The following MYH7 variants were observed in gnomAD, a reference collection of about 807,000 sequenced individuals.
The protein encoded by MYH7 is myosin-7.
A neutral mutation model predicts 225.4 loss-of-function variants in MYH7; 129 were observed. The ratio of observed to expected loss-of-function variants is 0.57; its 90% CI spans 0.50 to 0.66. The LOEUF (loss-of-function observed/expected upper bound fraction) is 0.66, where lower values mean the gene tolerates loss of function less well. Ranked by LOEUF, MYH7 falls within the 30% of genes least tolerant of loss-of-function variation. MYH7 has a pLI of 0.00. For missense variants in MYH7, 1,649 were observed against 2,517.0 expected (o/e 0.66, Z 7.38); for synonymous variants, 971 against 1,007.6 (o/e 0.96, Z 0.69).
rs536233751 is a variant in MYH7, at chr14:23,420,844, A to G, written c.3336+114T>C. 7.1e-5 allele frequency: 58 copies of G among 814,496 alleles called. No individual in the cohort carries two copies. The South Asian group carries it at 7.6e-4, about 11-fold the overall frequency. 50.5% of individuals were successfully genotyped at this position (814,496 alleles called of 1,614,324 possible). On this transcript the variant is annotated intron_variant, in intron 26 of 39. Coordinates refer to ENST00000355349, the MANE Select transcript of MYH7 (RefSeq NM_000257.4). ...CTGTGATAGCTGCGTGCCTGCCTCC[A>G]TGGACACATAATCAGTTCCTGTAAT...
intron 37 of MYH7, among the ~76,000 whole-genome samples, chr14:23,414,728 G>T (rs936218885): frequency 1.3e-5 from 2 of 152,120 alleles, no homozygotes; most frequent in African/African-American, 4.8e-5. Context: ...AGCTGTACTG[G>T]GTGAGCTTTG....
In MYH7 at chr14:23,422,315, G is replaced by T. The variant is rs1159928168; in HGVS notation, c.3110C>A (p.Ser1037Tyr). Residue 1037 changes from serine to tyrosine, a missense_variant, in exon 25 of 40, where the codon TCC (serine) becomes TAC (tyrosine). Coordinates refer to ENST00000355349, the MANE Select transcript of MYH7 (RefSeq NM_000257.4). ...LEQQVDDLEGSLEQEKKVRMD... is the reference protein window; with the variant it reads ...LEQQVDDLEGYLEQEKKVRMD... Reference sequence around the variant, plus strand: ...GCGCACCTTCTTCTCTTGCTCCAGGGATCCTTCCAGCTGGTAGAGAGAAGG... The same window carrying T: ...GCGCACCTTCTTCTCTTGCTCCAGGTATCCTTCCAGCTGGTAGAGAGAAGG... The T allele has an allele frequency of 5.0e-6, 8 of 1,614,052 alleles. No individual in the cohort carries two copies. Among genetic ancestry groups the T allele is most frequent in the Non-Finnish European group, 6.8e-6 (8 of 1,180,052 alleles).
rs397516112 is a variant in MYH7, at chr14:23,433,577, C to T, written c.156G>A (p.Val52=). The part of the protein sequence containing the change: ...DKQEFVKAKI[V]SREGGKVTAE... ...CAGTGACTTTGCCACCCTCTCGAGA[C>T]ACGATCTTGGCCTTGACAAACTCCT... Residue 52 remains valine, a synonymous_variant, in exon 3 of 40, where the codon GTG becomes GTA. Transcript: ENST00000355349. The surrounding 1 kb of genome is among the most constrained non-coding windows in gnomAD (Gnocchi z 4.1). 1 of 1,614,254 alleles carries T rather than the reference C, an allele frequency of 6.2e-7. No individual in the cohort carries two copies. The highest frequency in any genetic ancestry group is 2.2e-5 in the East Asian group (1 of 44,884).
rs866301351 is a variant in MYH7, at chr14:23,423,436, A to C, written c.3099+111T>G. On this transcript the variant is annotated intron_variant, in intron 24 of 39. Coordinates refer to ENST00000355349, the MANE Select transcript of MYH7 (RefSeq NM_000257.4). ...CTACCCCCCTCTAAACATAAACACAAACACACACACACACACACACACACA... is the reference window on the plus strand; with the variant it reads ...CTACCCCCCTCTAAACATAAACACACACACACACACACACACACACACACA... 2.6e-4 allele frequency: 211 copies of C among 824,678 alleles called. 1 individual carries two copies. The highest frequency in any genetic ancestry group is 3.4e-4 in the East Asian group (13 of 37,780). 51.1% of individuals were successfully genotyped at this position (824,678 alleles called of 1,614,324 possible).
rs772562745 is a variant in MYH7, at chr14:23,417,299, T to C, written c.4373A>G (p.Gln1458Arg). Residue 1458 changes from glutamine to arginine, a missense_variant, in exon 32 of 40, where the codon CAG becomes CGG. Gln to Arg is a conservative substitution (Grantham distance 43). Around this residue, in one of 12 missense-constraint regions of MYH7, gnomAD observed 687 missense variants for 913.8 expected, o/e 0.75. Coordinates refer to ENST00000355349, the MANE Select transcript of MYH7 (RefSeq NM_000257.4). The part of the protein sequence containing the change: ...NFDKILAEWK[Q>R]KYEESQSELE... ...CTCCGACTGCGACTCCTCATACTTC[T>C]GCTTCCACTCGGCCAGGATCTGCCC... The C allele has an allele frequency of 4.3e-6, 7 of 1,614,128 alleles. No individual in the cohort carries two copies. In the South Asian group the frequency reaches 7.7e-5, roughly 18 times the overall value.
rs1025023496 is a variant in MYH7, at chr14:23,416,870, C to T, written c.4642G>A (p.Glu1548Lys). 4 of 1,614,076 alleles carry T rather than the reference C, an allele frequency of 2.5e-6. No homozygotes were observed. The highest frequency in any genetic ancestry group is 1.3e-5 in the African/African-American group (1 of 74,944). ...CCGTGCCCTGCACACACACACACCT[C>T]GGCCTCCTCCAGGGCTGACTGCAGC... ...MELQSALEEA[E>K]ASLEHEEGKI... The change falls in exon 33 of 40, where the codon GAG becomes AAG. Residue 1548 changes from glutamate (E) to lysine (K), a missense_variant and splice_region_variant. This residue lies in a region of MYH7 where 687 missense variants were observed against 913.8 expected (regional missense o/e 0.75). Coordinates refer to ENST00000355349, the MANE Select transcript of MYH7 (RefSeq NM_000257.4).
In MYH7 at chr14:23,425,941, C is replaced by G; in HGVS notation, c.2162+23G>C. ...AGCCTGGCTCCCCCTGTTCTATGAG[C>G]TCTGGTGCACCCTCATACCCACCTC... On this transcript the variant is annotated intron_variant, in intron 19 of 39. Transcript: ENST00000355349. The surrounding 1 kb of genome is among the most constrained non-coding windows in gnomAD (Gnocchi z 4.6). 6.2e-7 allele frequency: 1 copy of G among 1,613,086 alleles called. No individual in the cohort carries two copies. Among genetic ancestry groups the G allele is most frequent in the African/African-American group, 1.3e-5 (1 of 75,020 alleles).
chr14:23,419,517 G>T lies in MYH7; in HGVS notation c.3819C>A (p.Leu1273=). The change falls in exon 28 of 40, where the codon CTC becomes CTA. Residue 1273 remains leucine (L), a synonymous_variant. Transcript: ENST00000355349. Reference sequence around the variant, plus strand: ...TTTGCAACTTGGCCCGCTGGCTGGTGAGGTCGTTGACAGAACGCTGGGTCT... The same window carrying T: ...TTTGCAACTTGGCCCGCTGGCTGGTTAGGTCGTTGACAGAACGCTGGGTCT... ...AEETQRSVND[L]TSQRAKLQTE... 6.2e-7 allele frequency: 1 copy of T among 1,614,140 alleles called. No homozygotes were observed. The highest frequency in any genetic ancestry group is 8.5e-7 in the Non-Finnish European group (1 of 1,180,036).
intron 30 of MYH7, 156 bp from the exon 31 acceptor site, chr14:23,417,842 A>T: frequency 1.8e-6 from 2 of 1,101,606 alleles, no homozygotes; most frequent in South Asian, 2.7e-5. Context: ...AACATCAGGC[A>T]GAGGATCCCA....
intron 1 of MYH7, among the ~76,000 whole-genome samples, chr14:23,434,734 C>G (rs1205133928): frequency 6.6e-6 from 1 of 152,200 alleles, no homozygotes; most frequent in African/African-American, 2.4e-5. Context: ...TCTGATGACT[C>G]TAAAGAGACT....
chr14:23,429,937 G>A (rs1489291348), intron 11 of MYH7, 24 bp from the exon 12 acceptor site: 18 of 1,613,470 alleles, frequency 1.1e-5, no homozygotes, highest in East Asian at 4.5e-5. Context: ...CCATATTGGC[G>A]GACCCCAGAA....
Position 23,435,291 on chromosome 14 carries a change from T to A in MYH7, c.-65+329A>T, listed in dbSNP as rs1893097712. Among the ~76,000 whole-genome samples, 4 of 151,784 alleles carry A rather than the reference T, an allele frequency of 2.6e-5. No homozygotes were observed. The South Asian group carries it at 8.3e-4, about 32-fold the overall frequency. ...TCACAGACGTGATCATACACCCACA[T>A]CTCCCACTTGATATTTCTGTATCAG... On this transcript the variant is annotated intron_variant, in intron 1 of 39. Transcript: ENST00000355349.
rs768393069 is a variant in MYH7 at position 23,418,405 on chromosome 14, G to C, written c.3974C>G (p.Ala1325Gly). Reference protein sequence around the residue: ...LKRQLEEEVKAKNALAHALQS... With the variant: ...LKRQLEEEVKGKNALAHALQS... Reference sequence around the variant, plus strand: ...CAGTGCGTGGGCCAGGGCGTTCTTCGCCTGGGGAGGGGTGGGCACCAGGAG... The same window carrying C: ...CAGTGCGTGGGCCAGGGCGTTCTTCCCCTGGGGAGGGGTGGGCACCAGGAG... The change falls in exon 30 of 40, where the codon GCG (alanine) becomes GGG (glycine). Residue 1325 changes from alanine to glycine, a missense_variant and splice_region_variant. Physicochemically the swap from Ala to Gly is moderately conservative, Grantham distance 60 (BLOSUM62 0). This residue lies in a region of MYH7 where 687 missense variants were observed against 913.8 expected (regional missense o/e 0.75). Transcript: ENST00000355349. 1 of 1,603,862 alleles carries C rather than the reference G, an allele frequency of 6.2e-7. No homozygotes were observed. The highest frequency in any genetic ancestry group is 8.5e-7 in the Non-Finnish European group (1 of 1,173,464).
chr14:23,419,591 A>G lies in MYH7; in HGVS notation c.3745T>C (p.Cys1249Arg). The G allele has an allele frequency of 6.2e-7, 1 of 1,613,786 alleles. No homozygotes were observed. ...TTCATCTGGTCTTCCAAGGTCCGGCACATCTTCTCCAGGTTAGCCTGAGAA... is the reference window on the plus strand; with the variant it reads ...TTCATCTGGTCTTCCAAGGTCCGGCGCATCTTCTCCAGGTTAGCCTGAGAA... ...IKAKANLEKM[C>R]RTLEDQMNEH... The change falls in exon 28 of 40, where the codon TGC becomes CGC. Residue 1249 changes from cysteine to arginine, a missense_variant. Cys to Arg is a radical substitution (Grantham distance 180). Transcript: ENST00000355349.
chr14:23,431,104 G>T, intron 9 of MYH7, 105 bp from the exon 10 acceptor site: 1 of 830,772 alleles, frequency 1.2e-6, no homozygotes, highest in Non-Finnish European at 2.0e-6. Context: ...GAAGGGAAGA[G>T]CCAGAGAGAC....
rs764806428 is a variant in MYH7, at chr14:23,426,882, A to G, written c.1957-18T>C. 1.2e-6 allele frequency: 2 copies of G among 1,608,774 alleles called. No homozygotes were observed. Among genetic ancestry groups the G allele is most frequent in the Non-Finnish European group, 1.7e-6 (2 of 1,175,214 alleles). On this transcript the variant is annotated intron_variant, in intron 17 of 39. Transcript: ENST00000355349. ...AGATTTTCCTGTGGCCAAAAATGCAATAGAGAAAAGTAAAGAAAATGCCAG... is the reference window on the plus strand; with the variant it reads ...AGATTTTCCTGTGGCCAAAAATGCAGTAGAGAAAAGTAAAGAAAATGCCAG...
intron 15 of MYH7, 76 bp from the exon 16 acceptor site, chr14:23,427,970 C>G: frequency 2.5e-6 from 4 of 1,579,966 alleles, no homozygotes; most frequent in African/African-American, 1.3e-5. Flanking sequence ...GGTCAATATA[C>G]TTGCTCGTGG....
intron 6 of MYH7, 118 bp downstream of exon 6, chr14:23,432,361 G>A: frequency 7.9e-7 from 1 of 1,264,944 alleles, no homozygotes. Context: ...GAAGGAGATG[G>A]GCACGAGGTT....
Position 23,421,058 on chromosome 14 carries a change from A to G in MYH7, c.3246-10T>C, listed in dbSNP as rs1333183479. Reference sequence around the variant, plus strand: ...CAGCTCAAAGTCTTTTCTGTGGGGAAGGAGGGATGGTGAGGTAAGGGAGAC... The same window carrying G: ...CAGCTCAAAGTCTTTTCTGTGGGGAGGGAGGGATGGTGAGGTAAGGGAGAC... On this transcript the variant is annotated splice_polypyrimidine_tract_variant and intron_variant, in intron 25 of 39. Coordinates refer to ENST00000355349, the MANE Select transcript of MYH7 (RefSeq NM_000257.4). 2.5e-6 allele frequency: 4 copies of G among 1,611,776 alleles called. No homozygotes were observed. Among genetic ancestry groups the G allele is most frequent in the Non-Finnish European group, 3.4e-6 (4 of 1,178,648 alleles).
Sources: allele counts gnomAD v4.1 joint callset (sites outside exome capture counted in the v4.1 genomes callset), GRCh38; gene constraint gnomAD v4.1.1; regional missense constraint gnomAD v4.1.1; non-coding constraint Gnocchi (gnomAD v3.1); transcripts MANE v1.5; gene names NCBI Gene and HGNC (gene_info 2026-07-23, HGNC 2026-07-21).